Variants in ABCC4 observed in about 807,000 individuals in gnomAD.
ABCC4 encodes ATP-binding cassette sub-family C member 4.
ABCC4 carries 102 observed loss-of-function variants against 168.5 expected under a neutral mutation model. That is an observed-to-expected ratio of 0.61 (90% CI 0.52 to 0.71). ABCC4 has a LOEUF of 0.71. Ranked by LOEUF, ABCC4 falls within the 30% of genes least tolerant of loss-of-function variation. The pLI, the probability that ABCC4 is intolerant of heterozygous loss-of-function variation, is 0.00. For missense variants in ABCC4, 1,402 were observed against 1,605.8 expected (o/e 0.87, Z 2.17); for synonymous variants, 617 against 590.7 (o/e 1.04, Z -0.65).
chr13:95,229,354 C>T (rs1297959783), intron 4 of ABCC4, among the ~76,000 whole-genome samples: 7 of 152,194 alleles, frequency 4.6e-5, no homozygotes, highest in Admixed American at 3.3e-4. Context: ...AACTATCCTT[C>T]AGAGTAACTC....
At chr13:95,082,207 AT>A (rs1172642087) in intron 21 of ABCC4, among the ~76,000 whole-genome samples, 1 of 151,986 alleles carries the variant, frequency 6.6e-6, no homozygotes, top group Non-Finnish European at 1.5e-5. Context: ...TTCCTTCTTT[AT>A]TTTTTGGCTA....
rs767427977 is a variant in ABCC4 at position 95,043,782 on chromosome 13, T to A, written c.3635A>T (p.Asp1212Val). ...CCGGATTTTTTTTTGTATTAACTCA[T>A]CAGTTCTGCAATCAAAGAAGTTAAG... Reference protein sequence around the residue: ...EATANVDPRTDELIQKKIREK... With the variant: ...EATANVDPRTVELIQKKIREK... Residue 1212 changes from aspartate (D) to valine (V), a missense_variant, in exon 29 of 31, where the codon GAT becomes GTT. This residue lies in a region of ABCC4 where 1,007 missense variants were observed against 1,127.3 expected (regional missense o/e 0.89). Coordinates refer to ENST00000645237, the MANE Select transcript of ABCC4 (RefSeq NM_005845.5). 1 of 1,611,426 alleles carries A rather than the reference T, an allele frequency of 6.2e-7. No individual in the cohort carries two copies. Among genetic ancestry groups the A allele is most frequent in the Non-Finnish European group, 8.5e-7 (1 of 1,177,796 alleles).
chr13:95,234,858 T>A (rs1176169608), intron 3 of ABCC4, 24 bp from the exon 4 acceptor site: 4 of 1,472,882 alleles, frequency 2.7e-6, no homozygotes, highest in Middle Eastern at 1.9e-4. Context: ...AAGAAAAGCC[T>A]TTAATTAGAC....
intron 10 of ABCC4, among the ~76,000 whole-genome samples, chr13:95,187,677 G>C (rs1264677129): frequency 6.6e-6 from 1 of 152,136 alleles, no homozygotes; most frequent in Middle Eastern, 3.2e-3. Context: ...CTGTGCACTA[G>C]GAAGGACTTT....
At chr13:95,057,429 G>A (rs2033105959) in intron 26 of ABCC4, among the ~76,000 whole-genome samples, 1 of 152,058 alleles carries the variant, frequency 6.6e-6, no homozygotes. Flanking sequence ...TAGTAGAGAC[G>A]GGGTTTTACC....
chr13:95,157,582 T>A (rs2036913755), intron 19 of ABCC4, among the ~76,000 whole-genome samples: 1 of 152,152 alleles, frequency 6.6e-6, no homozygotes, highest in Non-Finnish European at 1.5e-5. Flanking sequence ...CTGGCTCTTG[T>A]CATTCTAAGG....
intron 1 of ABCC4, among the ~76,000 whole-genome samples, chr13:95,262,964 G>C (rs1214828217): frequency 6.6e-6 from 1 of 152,086 alleles, no homozygotes; most frequent in African/African-American, 2.4e-5. Context: ...CCCGCTCTTA[G>C]AGTAGAAACA....
intron 19 of ABCC4, among the ~76,000 whole-genome samples, chr13:95,153,861 C>T (rs748669754): frequency 1.3e-5 from 2 of 152,116 alleles, no homozygotes; most frequent in African/African-American, 4.8e-5. Flanking sequence ...TATGTAACTA[C>T]GTAACTATTT....
intron 19 of ABCC4, among the ~76,000 whole-genome samples, chr13:95,151,635 G>GAGAAGGAGA (rs1192778215): frequency 1.3e-4 from 19 of 144,078 alleles, no homozygotes; most frequent in Admixed American, 3.4e-4. Flanking sequence ...GAAGAAGGAG[G>GAGAAGGAGA]AGAAGGAGAA....
At chr13:95,194,961 G>A in intron 8 of ABCC4, 24 bp from the exon 9 acceptor site, 1 of 1,590,718 alleles carries the variant, frequency 6.3e-7, no homozygotes, top group Non-Finnish European at 8.6e-7. Context: ...GAAAAACACA[G>A]ATTGTTTAAA....
chr13:95,141,756 C>T (rs1489708569), intron 19 of ABCC4, among the ~76,000 whole-genome samples: 1 of 152,158 alleles, frequency 6.6e-6, no homozygotes, highest in Non-Finnish European at 1.5e-5. Context: ...ATTCAGTAAA[C>T]CTATTTGTGT....
chr13:95,053,175 A>C lies in ABCC4; in HGVS notation c.3376T>G (p.Leu1126Val). ...KMSIIPQEPVLFTGTMRKNLD... is the reference protein window; with the variant it reads ...KMSIIPQEPVVFTGTMRKNLD... ...TTTTTCCTCATTGTTCCAGTGAACA[A>C]AACAGGTTCCTAAGTGCCCAAAATA... Residue 1126 changes from leucine (L) to valine (V), a missense_variant, in exon 27 of 31, where the codon TTG becomes GTG. By Grantham distance (32) the Leu-to-Val change is conservative. Coordinates refer to ENST00000645237, the MANE Select transcript of ABCC4 (RefSeq NM_005845.5). 6.2e-7 allele frequency: 1 copy of C among 1,614,138 alleles called. No homozygotes were observed. Among genetic ancestry groups the C allele is most frequent in the Non-Finnish European group, 8.5e-7 (1 of 1,179,982 alleles).
At chr13:95,206,423 T>G in intron 8 of ABCC4, 109 bp downstream of exon 8, 1 of 1,447,692 alleles carries the variant, frequency 6.9e-7, no homozygotes, top group East Asian at 2.3e-5. Flanking sequence ...ACGTTTTGGT[T>G]ATGAGAGAGT....
chr13:95,069,833 T>C (rs936099913), intron 25 of ABCC4, among the ~76,000 whole-genome samples: 2 of 152,236 alleles, frequency 1.3e-5, no homozygotes, highest in Non-Finnish European at 2.9e-5. Flanking sequence ...CCATTATGCG[T>C]GCGTATCACA....
intron 20 of ABCC4, among the ~76,000 whole-genome samples, chr13:95,103,553 C>A (rs954616681): frequency 1.1e-4 from 17 of 152,164 alleles, no homozygotes; most frequent in African/African-American, 3.4e-4. Flanking sequence ...TGGGACACAG[C>A]CTTGTGAATG....
At chr13:95,089,320 C>A (rs1375126883) in intron 20 of ABCC4, among the ~76,000 whole-genome samples, 1 of 152,158 alleles carries the variant, frequency 6.6e-6, no homozygotes, top group East Asian at 1.9e-4. Flanking sequence ...ATAAACCAAA[C>A]TGTGTTAAGA....
chr13:95,064,236 G>T (rs1318399057), intron 25 of ABCC4, among the ~76,000 whole-genome samples: 1 of 130,878 alleles, frequency 7.6e-6, no homozygotes, highest in Admixed American at 8.1e-5. Context: ...CTGCACATAG[G>T]TACATCCGGG....
At position 95,058,584 on chromosome 13, in the gene ABCC4, A is replaced by AG. The variant is rs1182002316; in HGVS notation, c.3366+4119_3366+4120insC. Among the ~76,000 whole-genome samples, 184 of 57,888 alleles carry AG rather than the reference A, an allele frequency of 3.2e-3. 1 individual carries two copies. Among genetic ancestry groups the AG allele is most frequent in the Middle Eastern group, 0.015 (2 of 136 alleles). 38.0% of individuals were successfully genotyped at this position (57,888 alleles called of 152,430 possible). On this transcript the variant is annotated intron_variant, in intron 26 of 30. Coordinates refer to ENST00000645237, the MANE Select transcript of ABCC4 (RefSeq NM_005845.5). ...CTCCATCTCAAAAAAAAAAAAAAAA[A>AG]AAAAAAAAGAAAAGAAAAAGAAAAA...
chr13:95,245,882 C>T (rs1382665560), intron 3 of ABCC4, among the ~76,000 whole-genome samples: 1 of 120,520 alleles, frequency 8.3e-6, no homozygotes, highest in African/African-American at 3.0e-5. Context: ...CCCCCTCCCC[C>T]CACCCACCTC....
Sources: gnomAD v4.1 joint callset for allele counts (sites outside exome capture counted in the v4.1 genomes callset) on GRCh38, gnomAD v4.1.1 for gene constraint, gnomAD v4.1.1 regional missense constraint, MANE v1.5 for transcripts, NCBI Gene and HGNC (gene_info 2026-07-23, HGNC 2026-07-21) for gene names.